The following BACE1 variants were observed in gnomAD, a reference collection of about 807,000 sequenced individuals.
BACE1 encodes beta-secretase 1, also known as APP beta-secretase.
BACE1 carries 21 observed loss-of-function variants against 54.0 expected under a neutral mutation model. The ratio of observed to expected loss-of-function variants is 0.39; its 90% CI spans 0.28 to 0.56. BACE1 has a LOEUF of 0.56. Among genes scored for constraint, BACE1 ranks in the 20% least tolerant of loss-of-function variants. The pLI, the probability that BACE1 is intolerant of heterozygous loss-of-function variation, is 0.63. For missense variants in BACE1, 511 were observed against 661.2 expected (o/e 0.77, Z 2.49); for synonymous variants, 232 against 260.9 (o/e 0.89, Z 1.07).
intron 1 of BACE1, among the ~76,000 whole-genome samples, chr11:117,311,397 C>T (rs1437128770): frequency 6.6e-6 from 1 of 152,156 alleles, no homozygotes; most frequent in Non-Finnish European, 1.5e-5. Flanking sequence ...CCTATTCCCA[C>T]AGTCTTGTTA....
In BACE1 at chr11:117,290,475, C is replaced by T; in HGVS notation, c.1264+13G>A. On this transcript the variant is annotated intron_variant, in intron 8 of 8. Transcript: ENST00000313005. Reference sequence around the variant, plus strand: ...AGAGACTGACCCCAAACCCTCAGCCCTGGCACTCTCACCATGGCAAGCGCT... The same window carrying T: ...AGAGACTGACCCCAAACCCTCAGCCTTGGCACTCTCACCATGGCAAGCGCT... 1 of 1,613,594 alleles carries T rather than the reference C, an allele frequency of 6.2e-7. No individual in the cohort carries two copies. Among genetic ancestry groups the T allele is most frequent in the Non-Finnish European group, 8.5e-7 (1 of 1,179,666 alleles).
In BACE1 at chr11:117,289,699, A is replaced by G. The variant is rs369014397; in HGVS notation, c.1373T>C (p.Ile458Thr). 4.7e-5 allele frequency: 76 copies of G among 1,614,052 alleles called. No individual in the cohort carries two copies. The highest frequency in any genetic ancestry group is 8.0e-5 in the African/African-American group (6 of 74,924). ...GCAGATGGCAGCCATGACATAGGCT[A>G]TGGTCATGAGGGTTGACTCATCTGT... ...PQTDESTLMTIAYVMAAICAL... is the reference protein window; with the variant it reads ...PQTDESTLMTTAYVMAAICAL... Residue 458 changes from isoleucine to threonine, a missense_variant, in exon 9 of 9, where the codon ATA (isoleucine) becomes ACA (threonine). Around this residue, in one of 2 missense-constraint regions of BACE1, gnomAD observed 407 missense variants for 565.7 expected, o/e 0.72. Coordinates refer to ENST00000313005, the MANE Select transcript of BACE1 (RefSeq NM_012104.6).
intron 1 of BACE1, chr11:117,314,409 T>A (rs1054984719): frequency 2.6e-5 from 4 of 152,182 alleles, no homozygotes; most frequent in Admixed American, 6.6e-5. Flanking sequence ...AGGTGGGGGT[T>A]TGTGTTTCTC....
In BACE1 at chr11:117,293,749, A is replaced by T; in HGVS notation, c.705+122T>A. On this transcript the variant is annotated intron_variant, in intron 4 of 8. Coordinates refer to ENST00000313005, the MANE Select transcript of BACE1 (RefSeq NM_012104.6). This position sits in a 1 kb window ranked among gnomAD's most constrained non-coding sequence, Gnocchi z 4.1. ...AATAAAGTAAGGGTAGGGAATATAA[A>T]GAGGTTCCTCCTGATTCTAAGTATC... is the stretch of plus-strand genomic sequence containing the variant. The T allele has an allele frequency of 9.6e-7, 1 of 1,039,902 alleles. No homozygotes were observed. 64.4% of individuals were successfully genotyped at this position (1,039,902 alleles called of 1,614,324 possible).
intron 6 of BACE1, 102 bp from the exon 7 acceptor site, chr11:117,291,151 G>T: frequency 1.4e-6 from 2 of 1,426,920 alleles, no homozygotes; most frequent in Non-Finnish European, 1.9e-6. Context: ...TGCTTTTCCA[G>T]TGAAATATCT....
At chr11:117,295,606 G>A (rs1369421281) in intron 2 of BACE1, 26 of 1,535,544 alleles carry the variant, frequency 1.7e-5, no homozygotes, top group East Asian at 2.4e-5. Context: ...CTCAGGCCCT[G>A]TGAAGAACAA....
At chr11:117,312,997 A>G (rs1248197077) in intron 1 of BACE1, among the ~76,000 whole-genome samples, 1 of 152,164 alleles carries the variant, frequency 6.6e-6, no homozygotes, top group African/African-American at 2.4e-5. Context: ...CTCTTTGTGG[A>G]TCAGCCCCCA....
chr11:117,306,339 C>T, intron 1 of BACE1, among the ~76,000 whole-genome samples: 1 of 152,188 alleles, frequency 6.6e-6, no homozygotes. Flanking sequence ...AACCTTGTCC[C>T]ACCCACAGGT....
intron 8 of BACE1, among the ~76,000 whole-genome samples, 174 bp from the exon 9 acceptor site, chr11:117,289,981 C>T (rs953914019): frequency 5.9e-5 from 9 of 152,164 alleles, no homozygotes; most frequent in African/African-American, 2.2e-4. Flanking sequence ...GGCCTGTCTC[C>T]CTTCCCAAGT....
chr11:117,297,540 A>C (rs2034630751), intron 1 of BACE1, among the ~76,000 whole-genome samples: 1 of 152,108 alleles, frequency 6.6e-6, no homozygotes. Flanking sequence ...GACTCACTTG[A>C]CCCTGGGAGG....
intron 1 of BACE1, among the ~76,000 whole-genome samples, chr11:117,310,064 A>G (rs942468047): frequency 1.3e-5 from 2 of 151,978 alleles, no homozygotes; most frequent in Non-Finnish European, 2.9e-5. Context: ...ATGCAGCACC[A>G]CACCTGGCTA....
At chr11:117,313,154 G>C (rs976745880) in intron 1 of BACE1, among the ~76,000 whole-genome samples, 3 of 152,248 alleles carry the variant, frequency 2.0e-5, no homozygotes, top group African/African-American at 7.2e-5. Context: ...CTTACAGACA[G>C]ATGGGGAGAG....
At chr11:117,302,193 T>TCCACC (rs997980341) in intron 1 of BACE1, among the ~76,000 whole-genome samples, 2 of 151,832 alleles carry the variant, frequency 1.3e-5, no homozygotes, top group Admixed American at 6.6e-5. Flanking sequence ...ATTAGCTGGG[T>TCCACC]GTGGTGGCAG....
At chr11:117,306,738 G>T (rs1159832040) in intron 1 of BACE1, among the ~76,000 whole-genome samples, 2 of 152,138 alleles carry the variant, frequency 1.3e-5, no homozygotes, top group African/African-American at 4.8e-5. Context: ...TTGAACCCAG[G>T]AGGTGGAGGT....
chr11:117,310,937 C>T (rs2034930898), intron 1 of BACE1, among the ~76,000 whole-genome samples: 1 of 151,988 alleles, frequency 6.6e-6, no homozygotes, highest in Admixed American at 6.5e-5. Flanking sequence ...AACCTTTCAA[C>T]CCCATTTCTT....
At chr11:117,294,592 ATCT>A (rs1300197602) in intron 3 of BACE1, among the ~76,000 whole-genome samples, 2 of 151,740 alleles carry the variant, frequency 1.3e-5, no homozygotes, top group African/African-American at 2.4e-5. Context: ...TTTATTAAAG[ATCT>A]TAGAGTGGCT....
intron 5 of BACE1, chr11:117,292,181 C>CTTTTTTTT (rs1173571595): frequency 2.4e-4 from 15 of 62,848 alleles, no homozygotes; most frequent in African/African-American, 3.4e-4. Context: ...CTTTTCTTTT[C>CTTTTTTTT]TTTTTTTTTT....
chr11:117,291,933 G>C, intron 5 of BACE1, 120 bp from the exon 6 acceptor site: 1 of 625,338 alleles, frequency 1.6e-6, no homozygotes, highest in Non-Finnish European at 3.0e-6. Flanking sequence ...CACCTCCTAA[G>C]TGTACCTGCT....
intron 1 of BACE1, among the ~76,000 whole-genome samples, chr11:117,309,517 C>G (rs893994653): frequency 7.2e-5 from 11 of 152,192 alleles, no homozygotes; most frequent in African/African-American, 2.7e-4. Flanking sequence ...CTTTGGGAGG[C>G]TGAGGCGGGT....
Sources: allele counts gnomAD v4.1 joint callset (sites outside exome capture counted in the v4.1 genomes callset), GRCh38; gene constraint gnomAD v4.1.1; regional missense constraint gnomAD v4.1.1; non-coding constraint Gnocchi (gnomAD v3.1); transcripts MANE v1.5; gene names NCBI Gene and HGNC (gene_info 2026-07-23, HGNC 2026-07-21).